The following TP53BP1 variants were observed in gnomAD, a reference collection of about 807,000 sequenced individuals.
The protein encoded by TP53BP1 is TP53-binding protein 1.
Under a neutral mutation model 200.8 loss-of-function variants are expected in TP53BP1, and 61 were observed. The ratio of observed to expected loss-of-function variants is 0.30; its 90% CI spans 0.25 to 0.38. TP53BP1 has a LOEUF of 0.38. Among genes scored for constraint, TP53BP1 ranks in the 10% least tolerant of loss-of-function variants. The pLI is 1.00. For missense variants in TP53BP1, 2,144 were observed against 2,371.9 expected, an observed-to-expected ratio of 0.90 and a Z score of 2.00; for synonymous variants, 822 against 844.3, an observed-to-expected ratio of 0.97 and a Z score of 0.46.
intron 10 of TP53BP1, among the ~76,000 whole-genome samples, chr15:43,472,003 A>G (rs1026032287): frequency 5.9e-5 from 9 of 152,236 alleles, no homozygotes; most frequent in Non-Finnish European, 1.3e-4. Context: ...CTAAGATCAA[A>G]TTCTATCACT....
rs1191686534 is a variant in TP53BP1, at chr15:43,405,718, C to A, written c.*1665G>T. 1.3e-5 allele frequency: 2 copies of A among 153,248 alleles called. No homozygotes were observed. The highest frequency in any genetic ancestry group is 2.4e-5 in the African/African-American group (1 of 41,424). The allele number at this position is 153,248 out of a possible 1,614,324, so 9.5% of individuals were successfully genotyped here. ...GTAATTTATACCTACACAGATTGGG[C>A]AATTCTAGCTAATGAAAATATACTT... On this transcript the variant is annotated 3_prime_UTR_variant, in exon 28 of 28. Transcript: ENST00000382044.
At chr15:43,505,338 T>C (rs1460143870) in intron 1 of TP53BP1, among the ~76,000 whole-genome samples, 5 of 152,232 alleles carry the variant, frequency 3.3e-5, no homozygotes, top group Non-Finnish European at 5.9e-5. Context: ...CCATCATCTC[T>C]ACCACCACAA....
At position 43,405,544 on chromosome 15, in the gene TP53BP1, C is replaced by T. The variant is rs1370376665; in HGVS notation, c.*1839G>A. 2 of 315,738 alleles carry T rather than the reference C, an allele frequency of 6.3e-6. No individual in the cohort carries two copies. Among genetic ancestry groups the T allele is most frequent in the Non-Finnish European group, 1.2e-5 (2 of 171,542 alleles). 19.6% of individuals were successfully genotyped at this position (315,738 alleles called of 1,614,324 possible). ...ACTGTTCAAGCTGTGGGAGATACAG[C>T]GGTAAACAAACAATATAGAGCAGAA... On this transcript the variant is annotated 3_prime_UTR_variant, in exon 28 of 28. Coordinates refer to ENST00000382044, the MANE Select transcript of TP53BP1 (RefSeq NM_001141980.3).
At chr15:43,416,769 C>A in intron 21 of TP53BP1, 1 of 174,236 alleles carries the variant, frequency 5.7e-6, no homozygotes, top group Non-Finnish European at 1.2e-5. Context: ...CTAAACATTT[C>A]CTTCTTGGTT....
upstream of TP53BP1, among the ~76,000 whole-genome samples, chr15:43,494,561 AT>A (rs1232264842): frequency 3.3e-5 from 5 of 152,214 alleles, no homozygotes. Context: ...ACAGAGATGC[AT>A]CTCACTTCTT....
Position 43,460,168 on chromosome 15 carries a change from A to G in TP53BP1, c.1390-2950T>C, listed in dbSNP as rs1222955908. On this transcript the variant is annotated intron_variant, in intron 11 of 27. Coordinates refer to ENST00000382044, the MANE Select transcript of TP53BP1 (RefSeq NM_001141980.3). ...TAATACAAAACTTAGCTGTTTTTAT[A>G]AGAGATTTTACATTTAGTGTGTTAT... Among the ~76,000 whole-genome samples, 6 of 152,350 alleles carry G rather than the reference A, an allele frequency of 3.9e-5. No homozygotes were observed. The East Asian group carries it at 1.2e-3, about 29-fold the overall frequency.
intron 1 of TP53BP1, among the ~76,000 whole-genome samples, chr15:43,503,150 CGT>C (rs750017981): frequency 2.6e-5 from 4 of 152,140 alleles, no homozygotes; most frequent in Non-Finnish European, 4.4e-5. Context: ...TAAATGGGTG[CGT>C]GTGTGTGTGC....
At chr15:43,481,266 A>C (rs778481996) in intron 4 of TP53BP1, among the ~76,000 whole-genome samples, 4 of 152,182 alleles carry the variant, frequency 2.6e-5, no homozygotes, top group Non-Finnish European at 5.9e-5. Context: ...TTTTGAGAAG[A>C]GGCAGAAAAA....
Position 43,475,603 on chromosome 15 carries a change from G to C in TP53BP1, c.1047C>G (p.Leu349=). The stretch of plus-strand genomic sequence containing the variant: ...CCTGAACAAGGGACCTCTGACCAGA[G>C]AGCTGCAGGAGATGCAGAGTGGTGG... The part of the protein sequence containing the change: ...TPATTLHLLQ[L]SGQRSLVQDS... Residue 349 remains leucine, a synonymous_variant, in exon 9 of 28, where the codon CTC becomes CTG. Transcript: ENST00000382044. 1 of 1,614,122 alleles carries C rather than the reference G, an allele frequency of 6.2e-7. No homozygotes were observed.
In TP53BP1 at chr15:43,420,843, T is replaced by G. The variant is rs988909935; in HGVS notation, c.4251-108A>C. ...CCATGGGTCTCCTCAGCCCATTCTTTAAAAACCCCATCACAGGCATGAGCC... is the reference window on the plus strand; with the variant it reads ...CCATGGGTCTCCTCAGCCCATTCTTGAAAAACCCCATCACAGGCATGAGCC... On this transcript the variant is annotated intron_variant, in intron 20 of 27. Transcript: ENST00000382044. 2.3e-6 allele frequency: 3 copies of G among 1,299,538 alleles called. No individual in the cohort carries two copies. In the African/African-American group the frequency reaches 4.4e-5, roughly 19 times the overall value. The allele number at this position is 1,299,538 out of a possible 1,614,324, so 80.5% of individuals were successfully genotyped here.
intron 21 of TP53BP1, among the ~76,000 whole-genome samples, chr15:43,417,856 C>T (rs577947860): frequency 6.6e-6 from 1 of 152,278 alleles, no homozygotes; most frequent in South Asian, 2.1e-4. Context: ...ATTCCAAATA[C>T]AAGAGAAGCC....
At chr15:43,455,312 T>TA (rs554824462) in intron 12 of TP53BP1, among the ~76,000 whole-genome samples, 2,594 of 147,786 alleles carry the variant, frequency 0.018, 45 homozygotes, top group East Asian at 0.041. Flanking sequence ...ACAATCTAAG[T>TA]AAAAAAAAAA....
chr15:43,432,334 T>C lies in TP53BP1; in HGVS notation c.3535A>G (p.Ile1179Val), dbSNP rs3803339. ...PETVSAATQT[I>V]KNVCEQGTST... ...GTCCCCTGCTCACACACATTCTTTA[T>C]AGTCTGGGTTGCTGCTGAAACAGTT... Residue 1179 changes from isoleucine to valine, a missense_variant, in exon 17 of 28, where the codon ATA becomes GTA. Ile to Val is a conservative substitution (Grantham distance 29). Around this residue, in one of 4 missense-constraint regions of TP53BP1, gnomAD observed 1,700 missense variants for 1,710.3 expected, o/e 0.99. Transcript: ENST00000382044. 9,803 of 1,614,176 alleles carry C rather than the reference T, an allele frequency of 6.1e-3. 145 individuals are homozygous for C. The highest frequency in any genetic ancestry group is 0.047 in the East Asian group (2,096 of 44,884).
chr15:43,413,071 AAAG>A (rs2045164869), intron 24 of TP53BP1, 45 bp downstream of exon 24: 1 of 1,585,640 alleles, frequency 6.3e-7, no homozygotes, highest in African/African-American at 1.3e-5. Context: ...ACTGGAAAAG[AAAG>A]AAGTGCCTAT....
At position 43,428,093 on chromosome 15, in the gene TP53BP1, C is replaced by G; in HGVS notation, c.3751G>C (p.Val1251Leu). The G allele has an allele frequency of 3.7e-6, 6 of 1,613,264 alleles. No individual in the cohort carries two copies. Among genetic ancestry groups the G allele is most frequent in the Non-Finnish European group, 5.1e-6 (6 of 1,179,238 alleles). ...LHRHMRTIRE[V>L]RTLVTRVITD... ...ATGACACGAGTGACAAGTGTGCGTA[C>G]TTCCCGGATTGTTCTCATGTGACGA... is the stretch of plus-strand genomic sequence containing the variant. The change falls in exon 18 of 28, where the codon GTA becomes CTA. Residue 1251 changes from valine to leucine, a missense_variant. Physicochemically the swap from Val to Leu is conservative, Grantham distance 32. This residue lies in a region of TP53BP1 where 1,700 missense variants were observed against 1,710.3 expected (regional missense o/e 0.99). Coordinates refer to ENST00000382044, the MANE Select transcript of TP53BP1 (RefSeq NM_001141980.3).
intron 11 of TP53BP1, among the ~76,000 whole-genome samples, chr15:43,465,989 G>T (rs987575772): frequency 2.0e-5 from 3 of 152,156 alleles, no homozygotes; most frequent in African/African-American, 7.2e-5. Context: ...CTGGAAGTTG[G>T]AAGACAAAAG....
intron 1 of TP53BP1, among the ~76,000 whole-genome samples, chr15:43,498,503 T>C (rs2079192721): frequency 6.6e-6 from 1 of 152,206 alleles, no homozygotes; most frequent in South Asian, 2.1e-4. Context: ...ATGGGTGCTT[T>C]ACAGATAAAC....
chr15:43,430,458 C>T (rs1248483715), intron 17 of TP53BP1, among the ~76,000 whole-genome samples: 1 of 152,118 alleles, frequency 6.6e-6, no homozygotes, highest in African/African-American at 2.4e-5. Flanking sequence ...GTCTTGAACA[C>T]AATGCTCATA....
chr15:43,474,065 C>T (rs746465491), intron 10 of TP53BP1, among the ~76,000 whole-genome samples: 4 of 152,248 alleles, frequency 2.6e-5, no homozygotes, highest in South Asian at 2.1e-4. Context: ...AGCGCAGCGC[C>T]GGTGGGCTAG....
Sources: gnomAD v4.1 joint callset for allele counts (sites outside exome capture counted in the v4.1 genomes callset) on GRCh38, gnomAD v4.1.1 for gene constraint, gnomAD v4.1.1 regional missense constraint, MANE v1.5 for transcripts, NCBI Gene and HGNC (gene_info 2026-07-23, HGNC 2026-07-21) for gene names.